Variants in USP42 observed in about 807,000 individuals in gnomAD.
USP42 encodes ubiquitin specific peptidase 42.
A neutral mutation model predicts 113.0 loss-of-function variants in USP42; 23 were observed. That is an observed-to-expected ratio of 0.20 (90% CI 0.15 to 0.29). The LOEUF is 0.29. Ranked by LOEUF, USP42 falls within the 10% of genes least tolerant of loss-of-function variation. The pLI, the probability that USP42 is intolerant of heterozygous loss-of-function variation, is 1.00. For missense variants in USP42, 2,174 were observed against 1,779.8 expected, an observed-to-expected ratio of 1.22 and a Z score of -3.99; for synonymous variants, 933 against 699.0, an observed-to-expected ratio of 1.33 and a Z score of -5.28.
chr7:6,132,399 C>G (rs1428563080), intron 3 of USP42, among the ~76,000 whole-genome samples: 1 of 150,884 alleles, frequency 6.6e-6, no homozygotes, highest in East Asian at 2.1e-4. Flanking sequence ...ACTCCGTGGC[C>G]CAGGCTGGAG....
At chr7:6,110,773 A>C (rs971796319) in intron 1 of USP42, among the ~76,000 whole-genome samples, 6 of 152,224 alleles carry the variant, frequency 3.9e-5, no homozygotes, top group Non-Finnish European at 4.4e-5. Flanking sequence ...GCAGTATAGA[A>C]GGAAAATATA....
chr7:6,084,174 G>C, the USP42 span, among the ~76,000 whole-genome samples: 1 of 150,840 alleles, frequency 6.6e-6, no homozygotes, highest in Non-Finnish European at 1.5e-5. Flanking sequence ...CTACAGGCAT[G>C]AGCCACCACG....
chr7:6,121,531 T>A (rs1438963345), intron 3 of USP42, among the ~76,000 whole-genome samples: 1 of 152,216 alleles, frequency 6.6e-6, no homozygotes, highest in African/African-American at 2.4e-5. Flanking sequence ...ATATGTTTTC[T>A]TCGCATCTGT....
At position 6,139,010 on chromosome 7, in the gene USP42, T is replaced by G; in HGVS notation, c.554-82T>G. On this transcript the variant is annotated intron_variant, in intron 4 of 17. Transcript: ENST00000306177. This position sits in a 1 kb window ranked among gnomAD's most constrained non-coding sequence, Gnocchi z 4.5. ...TTTGGGAGTTTTCCAACCAACATATTATTATAAGATATATTTTGGGGGGTA... is the reference window on the plus strand; with the variant it reads ...TTTGGGAGTTTTCCAACCAACATATGATTATAAGATATATTTTGGGGGGTA... The G allele has an allele frequency of 1.2e-6, 1 of 842,488 alleles. No individual in the cohort carries two copies. Among genetic ancestry groups the G allele is most frequent in the South Asian group, 1.9e-5 (1 of 51,940 alleles). The allele number at this position is 842,488 out of a possible 1,614,324, so 52.2% of individuals were successfully genotyped here. A position where few individuals can be genotyped will look rare whatever the true frequency, so the allele number is the denominator to read the frequency against.
rs1782304861 is a variant in USP42 at position 6,154,593 on chromosome 7, T to C, written c.3039T>C (p.Ser1013=). 6.3e-7 allele frequency: 1 copy of C among 1,578,092 alleles called. No individual in the cohort carries two copies. Among genetic ancestry groups the C allele is most frequent in the Non-Finnish European group, 8.6e-7 (1 of 1,164,388 alleles). Residue 1013 remains serine, a synonymous_variant, in exon 15 of 18, where the codon TCT becomes TCC. Transcript: ENST00000306177. The part of the protein sequence containing the change: ...GDRLSPGERR[S]LGRCSHHHSR... ...GGCTCAGCCCTGGCGAGCGCCGCTC[T>C]CTGGGCAGGTGCAGTCACCACCACT...
chr7:6,130,367 G>A (rs1780786126), intron 3 of USP42, among the ~76,000 whole-genome samples: 1 of 152,162 alleles, frequency 6.6e-6, no homozygotes, highest in African/African-American at 2.4e-5. Flanking sequence ...TGGTCTCCAC[G>A]GACACTGCAG....
chr7:6,110,564 A>G (rs1418672565), intron 1 of USP42, among the ~76,000 whole-genome samples: 1 of 152,190 alleles, frequency 6.6e-6, no homozygotes, highest in Non-Finnish European at 1.5e-5. Flanking sequence ...GAGCCTCTTC[A>G]GAAAAATGGT....
Position 6,154,635 on chromosome 7 carries a change from G to C in USP42, c.3081G>C (p.Gly1027=), listed in dbSNP as rs7784072. The C allele has an allele frequency of 0.011, 18,269 of 1,603,266 alleles. 363 individuals are homozygous for C. Among genetic ancestry groups the C allele is most frequent in the East Asian group, 0.074 (3,306 of 44,440 alleles). ...CSHHHSRHRS[G]VELDWVRHHY... ...ACCACCACTCCCGACACCGGAGCGG[G>C]GTGGAGCTGGACTGGGTCAGACACC... The change falls in exon 15 of 18, where the codon GGG becomes GGC. Residue 1027 remains glycine, a synonymous_variant. Coordinates refer to ENST00000306177, the MANE Select transcript of USP42 (RefSeq NM_032172.3).
upstream of USP42, among the ~76,000 whole-genome samples, chr7:6,102,207 C>A (rs1268851988): frequency 6.8e-6 from 1 of 147,948 alleles, no homozygotes; most frequent in African/African-American, 2.6e-5. Flanking sequence ...CCTCTGCCTC[C>A]CAGGTTCAAG....
the USP42 span, among the ~76,000 whole-genome samples, chr7:6,086,687 C>A: frequency 8.6e-4 from 126 of 145,690 alleles, 2 homozygotes; most frequent in Admixed American, 2.7e-4. Context: ...TTCCCCCTTC[C>A]CTTTCCCCTT....
At chr7:6,115,567 C>A in intron 3 of USP42, 44 bp downstream of exon 3, 1 of 1,591,408 alleles carries the variant, frequency 6.3e-7, no homozygotes, top group South Asian at 1.1e-5. Context: ...GTGCGCTAAC[C>A]TACTTTCATT....
intron 3 of USP42, among the ~76,000 whole-genome samples, chr7:6,130,458 T>G (rs6979025): frequency 0.44 from 66,998 of 152,008 alleles, 18,743 homozygotes; most frequent in African/African-American, 0.77. Flanking sequence ...GCCATAGTGG[T>G]GGCAGAGTTT....
At chr7:6,092,667 T>C in the USP42 span, among the ~76,000 whole-genome samples, 1 of 151,166 alleles carries the variant, frequency 6.6e-6, no homozygotes, top group Non-Finnish European at 1.5e-5. Context: ...GCACAGCATC[T>C]CCAATGACCC....
At chr7:6,153,730 C>T in intron 14 of USP42, 26 bp from the exon 15 acceptor site, 2 of 1,432,008 alleles carry the variant, frequency 1.4e-6, no homozygotes, top group African/African-American at 1.5e-5. Context: ...CGCTAACGGG[C>T]GTGTTTGTTT....
chr7:6,102,429 G>A (rs946027296), upstream of USP42, among the ~76,000 whole-genome samples: 5 of 150,034 alleles, frequency 3.3e-5, no homozygotes, highest in Non-Finnish European at 7.4e-5. Flanking sequence ...AGATTTAAGG[G>A]GCAGCCTGGA....
At position 6,147,910 on chromosome 7, in the gene USP42, G is replaced by A. The variant is rs757994464; in HGVS notation, c.1386+18G>A. ...TGATAAAGGTAACAGTCCTTAGGGAGAAGAACATTTTTATGTTAATTTTTA... is the reference window on the plus strand; with the variant it reads ...TGATAAAGGTAACAGTCCTTAGGGAAAAGAACATTTTTATGTTAATTTTTA... On this transcript the variant is annotated intron_variant, in intron 12 of 17. Transcript: ENST00000306177. 6.4e-7 allele frequency: 1 copy of A among 1,568,096 alleles called. No individual in the cohort carries two copies. Among genetic ancestry groups the A allele is most frequent in the South Asian group, 1.2e-5 (1 of 86,424 alleles).
chr7:6,091,375 C>T, the USP42 span, among the ~76,000 whole-genome samples: 1 of 150,452 alleles, frequency 6.6e-6, no homozygotes, highest in Non-Finnish European at 1.5e-5. Context: ...TGCAGGCATG[C>T]ATCATCATGC....
chr7:6,100,547 C>G (rs1790090833), upstream of USP42, among the ~76,000 whole-genome samples: 1 of 150,732 alleles, frequency 6.6e-6, no homozygotes, highest in Admixed American at 6.6e-5. Context: ...CCAGGCTTGT[C>G]TCGAACTCCT....
At position 6,154,772 on chromosome 7, in the gene USP42, A is replaced by C; in HGVS notation, c.3218A>C (p.Asp1073Ala). 1 of 1,554,230 alleles carries C rather than the reference A, an allele frequency of 6.4e-7. No individual in the cohort carries two copies. The highest frequency in any genetic ancestry group is 8.7e-7 in the Non-Finnish European group (1 of 1,150,218). The change falls in exon 15 of 18, where the codon GAC becomes GCC. Residue 1073 changes from aspartate (D) to alanine (A), a missense_variant. Physicochemically the swap from Asp to Ala is moderately radical, Grantham distance 126. Coordinates refer to ENST00000306177, the MANE Select transcript of USP42 (RefSeq NM_032172.3). ...AGGTACGCCCTGTACGCTGCCCGGG[A>C]CTGGAAGCCCTTCCACGGCGGCCGC... ...HDRYALYAAR[D>A]WKPFHGGREH... is the part of the protein sequence containing the mutation.
Sources: allele counts gnomAD v4.1 joint callset (sites outside exome capture counted in the v4.1 genomes callset), GRCh38; gene constraint gnomAD v4.1.1; non-coding constraint Gnocchi (gnomAD v3.1); transcripts MANE v1.5; gene names NCBI Gene and HGNC (gene_info 2026-07-23, HGNC 2026-07-21).